KLHDC4: variants seen among roughly 807,000 people sequenced by gnomAD.
The protein encoded by KLHDC4 is kelch domain-containing protein 4.
In KLHDC4, 90 loss-of-function variants were observed where a neutral mutation model predicts 62.4. The ratio of observed to expected loss-of-function variants is 1.44; its 90% CI spans 1.22 to 1.72. The LOEUF (loss-of-function observed/expected upper bound fraction) is 1.72. Among genes scored for constraint, KLHDC4 ranks in the 40% most tolerant of loss-of-function variants. The pLI, the probability that KLHDC4 is intolerant of heterozygous loss-of-function variation, is 0.00. For synonymous variants in KLHDC4, 386 were observed against 284.4 expected, an observed-to-expected ratio of 1.36 and a Z score of -3.59; for missense variants, 1,025 against 699.7, an observed-to-expected ratio of 1.47 and a Z score of -5.25.
chr16:87,706,338 G>T (rs1455928646), downstream of KLHDC4, among the ~76,000 whole-genome samples: 57 of 135,004 alleles, frequency 4.2e-4, no homozygotes, highest in African/African-American at 1.5e-3. Flanking sequence ...AGAGGGGGAA[G>T]TTGGCGCAAT....
chr16:87,708,130 C>T, intron 11 of KLHDC4, 55 bp from the exon 12 acceptor site: 1 of 664,574 alleles, frequency 1.5e-6, no homozygotes, highest in South Asian at 1.6e-5. Flanking sequence ...GAGGGGGAGG[C>T]CCGTGCAGGA....
chr16:87,730,934 TA>T (rs1298990660), intron 5 of KLHDC4: 1 of 220,400 alleles, frequency 4.5e-6, no homozygotes. Context: ...TCCGCCAACA[TA>T]AAAAACTTCA....
At position 87,755,177 on chromosome 16, in the gene KLHDC4, G is replaced by C. The variant is rs1352536405; in HGVS notation, c.369+17C>G. The C allele has an allele frequency of 4.5e-6, 7 of 1,559,186 alleles. No individual in the cohort carries two copies. In the African/African-American group the frequency reaches 6.8e-5, roughly 15 times the overall value. On this transcript the variant is annotated intron_variant, in intron 4 of 11. Coordinates refer to ENST00000270583, the MANE Select transcript of KLHDC4 (RefSeq NM_017566.4). ...GTGGGAAGAGGGAGGGTGGCTGAGA[G>C]TCAGTGCTGACATTACCTGGTGAGC...
At chr16:87,742,768 G>A (rs57970819) in intron 5 of KLHDC4, among the ~76,000 whole-genome samples, 26,858 of 152,110 alleles carry the variant, frequency 0.18, 2,857 homozygotes, top group Non-Finnish European at 0.24. Context: ...TTCTCTGCCA[G>A]CAGACAGCTC....
chr16:87,763,384 T>C (rs2046163139), intron 1 of KLHDC4: 2 of 152,258 alleles, frequency 1.3e-5, no homozygotes, highest in Admixed American at 1.3e-4. Flanking sequence ...AGGTGGATAA[T>C]TTGAGGTCAG....
intron 6 of KLHDC4, chr16:87,729,248 G>C (rs189701491): frequency 1.2e-4 from 18 of 152,330 alleles, no homozygotes; most frequent in African/African-American, 4.3e-4. Flanking sequence ...CCAGCACTCT[G>C]GGAGGCTGTA....
downstream of KLHDC4, among the ~76,000 whole-genome samples, chr16:87,706,379 C>T (rs28503318): frequency 0.036 from 3,522 of 97,218 alleles, 67 homozygotes; most frequent in Non-Finnish European, 0.053. Context: ...TTGGGGGGGT[C>T]GGCGTGGGGG....
At chr16:87,707,360 T>C (rs1345303498), downstream of KLHDC4, among the ~76,000 whole-genome samples, 1 of 152,190 alleles carries the variant, frequency 6.6e-6, no homozygotes, top group East Asian at 1.9e-4. Context: ...TAAACCCGAC[T>C]GGGACAGGGA....
chr16:87,759,937 A>G (rs1186035371), intron 2 of KLHDC4, among the ~76,000 whole-genome samples: 2 of 152,198 alleles, frequency 1.3e-5, no homozygotes, highest in African/African-American at 2.4e-5. Context: ...TGAGGTACTG[A>G]GGCAGCTGGT....
At chr16:87,765,422 A>C (rs1451557774) in intron 1 of KLHDC4, 2 of 490,144 alleles carry the variant, frequency 4.1e-6, no homozygotes, top group Admixed American at 2.3e-5. Context: ...CCCCCGGCTC[A>C]ACCTCAGGTC....
At chr16:87,745,069 C>T (rs764702851) in intron 5 of KLHDC4, among the ~76,000 whole-genome samples, 2 of 152,174 alleles carry the variant, frequency 1.3e-5, no homozygotes, top group Non-Finnish European at 2.9e-5. Context: ...TATTTTTGTA[C>T]GAAATAAGAG....
At position 87,726,814 on chromosome 16, in the gene KLHDC4, G is replaced by A. The variant is rs372194260; in HGVS notation, c.710C>T (p.Ser237Phe). ...GPTPRSGCQM[S>F]VTPQGGIVVY... is the part of the protein sequence containing the mutation. The stretch of plus-strand genomic sequence containing the variant: ...GACGATGCCGCCCTGGGGAGTGACG[G>A]ACATCTGGCAGCCTGATCTGGGTGT... Residue 237 changes from serine to phenylalanine, a missense_variant, in exon 7 of 12, where the codon TCC becomes TTC. Ser to Phe is a radical substitution (Grantham distance 155, BLOSUM62 -2). Coordinates refer to ENST00000270583, the MANE Select transcript of KLHDC4 (RefSeq NM_017566.4). 67 of 1,611,246 alleles carry A rather than the reference G, an allele frequency of 4.2e-5. No homozygotes were observed. Among genetic ancestry groups the A allele is most frequent in the Admixed American group, 3.7e-4 (22 of 59,570 alleles).
chr16:87,701,869 T>C (rs1490066067), exon 1 of KLHDC4: 3 of 456,396 alleles, frequency 6.6e-6, no homozygotes, highest in East Asian at 1.4e-4. Flanking sequence ...CGAGGAAGCC[T>C]CTTCGAGCCC....
At chr16:87,751,496 G>T (rs1303087906) in intron 4 of KLHDC4, among the ~76,000 whole-genome samples, 1 of 146,806 alleles carries the variant, frequency 6.8e-6, no homozygotes, top group Non-Finnish European at 1.5e-5. Flanking sequence ...AAAAAAAAAT[G>T]AACTTTATGT....
At chr16:87,704,915 C>T (rs775205478), downstream of KLHDC4, among the ~76,000 whole-genome samples, 1 of 152,206 alleles carries the variant, frequency 6.6e-6, no homozygotes, top group African/African-American at 2.4e-5. Flanking sequence ...CAGAGCATGG[C>T]GCGCATGGGC....
chr16:87,744,810 A>G (rs1028188776), intron 5 of KLHDC4, among the ~76,000 whole-genome samples: 6 of 152,312 alleles, frequency 3.9e-5, no homozygotes, highest in East Asian at 1.9e-4. Context: ...CTGTGCACGT[A>G]CAGTGTGCAC....
At chr16:87,708,305 C>G in intron 11 of KLHDC4, 45 bp downstream of exon 11, 3 of 1,298,028 alleles carry the variant, frequency 2.3e-6, no homozygotes, top group South Asian at 1.3e-5. Flanking sequence ...AAGCCTTTCA[C>G]GAACACCCAG....
At chr16:87,730,711 C>G (rs2040195735) in intron 5 of KLHDC4, 67 bp from the exon 6 acceptor site, 2 of 1,396,334 alleles carry the variant, frequency 1.4e-6, no homozygotes, top group African/African-American at 1.5e-5. Flanking sequence ...AAGACGACAA[C>G]AACAAACAAA....
chr16:87,705,488 T>G (rs1338244086), downstream of KLHDC4, among the ~76,000 whole-genome samples: 2 of 152,252 alleles, frequency 1.3e-5, no homozygotes, highest in African/African-American at 2.4e-5. Context: ...TCAAACCAAA[T>G]CTTTAGCAAC....
Sources: gnomAD v4.1 joint callset for allele counts (sites outside exome capture counted in the v4.1 genomes callset) on GRCh38, gnomAD v4.1.1 for gene constraint, MANE v1.5 for transcripts, NCBI Gene and HGNC (gene_info 2026-07-23, HGNC 2026-07-21) for gene names.